GPR176: variants seen among roughly 807,000 people sequenced by gnomAD.
The protein encoded by GPR176 is G-protein coupled receptor 176.
A neutral mutation model predicts 35.4 loss-of-function variants in GPR176; 26 were observed. The observed-to-expected ratio is 0.74, with a 90% CI of 0.54 to 1.02. The LOEUF (loss-of-function observed/expected upper bound fraction) is 1.02, where lower values mean the gene tolerates loss of function less well. GPR176 is among the 50% of genes least tolerant of loss of function. The pLI is 0.00. For missense variants in GPR176, 597 were observed against 665.3 expected, an observed-to-expected ratio of 0.90 and a Z score of 1.13; for synonymous variants, 278 against 271.3, an observed-to-expected ratio of 1.02 and a Z score of -0.24.
chr15:39,894,237 C>T (rs1351284285), intron 1 of GPR176, among the ~76,000 whole-genome samples: 24 of 131,950 alleles, frequency 1.8e-4, no homozygotes, highest in Middle Eastern at 5.1e-3. Context: ...ACCTCCCGGA[C>T]GGGGCGGCTG....
chr15:39,817,797 G>A (rs1321780043), intron 1 of GPR176, among the ~76,000 whole-genome samples: 1 of 152,202 alleles, frequency 6.6e-6, no homozygotes, highest in Non-Finnish European at 1.5e-5. Context: ...AAAAGGCACT[G>A]TTAAGCTCTG....
Position 39,802,263 on chromosome 15 carries a change from T to C in GPR176, c.426-9A>G, listed in dbSNP as rs773506853. 1.3e-6 allele frequency: 2 copies of C among 1,555,626 alleles called. No homozygotes were observed. Among genetic ancestry groups the C allele is most frequent in the South Asian group, 1.2e-5 (1 of 83,646 alleles). On this transcript the variant is annotated splice_polypyrimidine_tract_variant and intron_variant, in intron 2 of 2. Coordinates refer to ENST00000561100, the MANE Select transcript of GPR176 (RefSeq NM_007223.3). Reference sequence around the variant, plus strand: ...AGAGGACTGAGTAGTACCTGCAAGATACACAAACAAAATTAATTCCACAGA... The same window carrying C: ...AGAGGACTGAGTAGTACCTGCAAGACACACAAACAAAATTAATTCCACAGA...
chr15:39,874,220 G>C (rs375344994), intron 1 of GPR176, among the ~76,000 whole-genome samples: 1 of 152,130 alleles, frequency 6.6e-6, no homozygotes, highest in East Asian at 1.9e-4. Context: ...AAATTGACCT[G>C]TAGTGTGGTA....
intron 1 of GPR176, among the ~76,000 whole-genome samples, chr15:39,871,800 A>T (rs986981421): frequency 1.3e-5 from 2 of 152,190 alleles, no homozygotes; most frequent in African/African-American, 4.8e-5. Context: ...TTTCCTAGCA[A>T]CCAAAAAAGT....
Position 39,867,123 on chromosome 15 carries a change from G to A in GPR176, c.172+52732C>T, listed in dbSNP as rs567327503. ...TTTAGGAAGATGGTTCTTACTCTGA[G>A]AGTAGAGAGGAAGGTGGCAGGTGAT... On this transcript the variant is annotated intron_variant, in intron 1 of 2. Coordinates refer to ENST00000561100, the MANE Select transcript of GPR176 (RefSeq NM_007223.3). Among the ~76,000 whole-genome samples the A allele has an allele frequency of 6.6e-5, 10 of 152,204 alleles. 1 individual carries two copies. Among genetic ancestry groups the A allele is most frequent in the Admixed American group, 3.9e-4 (6 of 15,288 alleles).
intron 2 of GPR176, among the ~76,000 whole-genome samples, chr15:39,804,289 T>C (rs661197): frequency 0.045 from 6,800 of 152,236 alleles, 384 homozygotes; most frequent in African/African-American, 0.13. Context: ...TACCATGAAA[T>C]GAATAGCTAT....
rs528818094 is a variant in GPR176 at position 39,919,762 on chromosome 15, G to A, written c.172+93C>T. 25 of 1,071,184 alleles carry A rather than the reference G, an allele frequency of 2.3e-5. No individual in the cohort carries two copies. The South Asian group carries it at 3.6e-4, about 16-fold the overall frequency. 66.4% of individuals were successfully genotyped at this position (1,071,184 alleles called of 1,614,324 possible). ...ACTCTCTGCACTTTGCCAGGCACCC[G>A]AAACCCACGGCGGCTGGGCGGCCCT... On this transcript the variant is annotated intron_variant, in intron 1 of 2. Transcript: ENST00000561100.
At chr15:39,887,903 C>T (rs1359455805) in intron 1 of GPR176, among the ~76,000 whole-genome samples, 1 of 152,208 alleles carries the variant, frequency 6.6e-6, no homozygotes, top group Non-Finnish European at 1.5e-5. Flanking sequence ...AAAAGAAGCT[C>T]TCTGCCATCC....
chr15:39,858,947 A>G (rs2031419109), intron 1 of GPR176, among the ~76,000 whole-genome samples: 1 of 151,974 alleles, frequency 6.6e-6, no homozygotes, highest in Non-Finnish European at 1.5e-5. Context: ...GGGTTTCACC[A>G]TGTTGGCCAG....
rs778582940 is a variant in GPR176, at chr15:39,919,943, G to GC, written c.83dup (p.Ser29GlnfsTer53). 7 of 1,516,364 alleles carry GC rather than the reference G, an allele frequency of 4.6e-6. No individual in the cohort carries two copies. In the Admixed American group the frequency reaches 1.1e-4, roughly 25 times the overall value. The allele number at this position is 1,516,364 out of a possible 1,614,324, so 93.9% of individuals were successfully genotyped here. A position where few individuals can be genotyped will look rare whatever the true frequency, so the allele number is the denominator to read the frequency against. Reference sequence around the variant, plus strand: ...CCTCGCCGAACTCCCCGAGCGCGCTGCGGTTCACACCCGCAGCCTCGGCGC... The same window carrying GC: ...CCTCGCCGAACTCCCCGAGCGCGCTGCCGGTTCACACCCGCAGCCTCGGCGC... On this transcript the variant is annotated frameshift_variant, in exon 1 of 3. Coordinates refer to ENST00000561100, the MANE Select transcript of GPR176 (RefSeq NM_007223.3). LOFTEE classifies it high-confidence loss of function.
At chr15:39,871,872 G>A (rs2032054984) in intron 1 of GPR176, among the ~76,000 whole-genome samples, 1 of 152,194 alleles carries the variant, frequency 6.6e-6, no homozygotes, top group Non-Finnish European at 1.5e-5. Context: ...TTCATCTAAT[G>A]TCAATACCAT....
chr15:39,805,208 T>C (rs1345015723), intron 2 of GPR176, among the ~76,000 whole-genome samples: 1 of 152,106 alleles, frequency 6.6e-6, no homozygotes, highest in Non-Finnish European at 1.5e-5. Flanking sequence ...TAAAATGCAT[T>C]AGTGTACCCA....
intron 1 of GPR176, among the ~76,000 whole-genome samples, chr15:39,824,065 TG>T (rs1900461991): frequency 6.6e-6 from 1 of 151,712 alleles, no homozygotes; most frequent in Non-Finnish European, 1.5e-5. Context: ...CCCATGGTAA[TG>T]AATGAGTTCT....
intron 1 of GPR176, among the ~76,000 whole-genome samples, chr15:39,898,642 C>T (rs564262950): frequency 6.6e-6 from 1 of 152,038 alleles, no homozygotes; most frequent in South Asian, 2.1e-4. Context: ...TGTAAAGAGA[C>T]GAGCTAGGGA....
At chr15:39,911,267 G>GA (rs1207160856) in intron 1 of GPR176, among the ~76,000 whole-genome samples, 3 of 151,728 alleles carry the variant, frequency 2.0e-5, no homozygotes, top group African/African-American at 4.8e-5. Context: ...ACTTTAATCA[G>GA]AAAAAAATAT....
Position 39,871,576 on chromosome 15 carries a change from C to A in GPR176, c.172+48279G>T, listed in dbSNP as rs555854330. ...ACTAGTACACAACAGACAGTGCTCA[C>A]CACATGCTCAAGTTGCCTTCTTCGA... On this transcript the variant is annotated intron_variant, in intron 1 of 2. Transcript: ENST00000561100. Among the ~76,000 whole-genome samples, 12 of 152,316 alleles carry A rather than the reference C, an allele frequency of 7.9e-5. No homozygotes were observed. In the South Asian group the frequency reaches 2.5e-3, roughly 32 times the overall value.
intron 1 of GPR176, among the ~76,000 whole-genome samples, chr15:39,918,559 C>T (rs2033787999): frequency 6.6e-6 from 1 of 152,166 alleles, no homozygotes; most frequent in Non-Finnish European, 1.5e-5. Context: ...CAGAATTTAA[C>T]TCCCAATAAC....
At chr15:39,867,579 T>C (rs1004928043) in intron 1 of GPR176, among the ~76,000 whole-genome samples, 5 of 152,126 alleles carry the variant, frequency 3.3e-5, no homozygotes, top group African/African-American at 9.7e-5. Flanking sequence ...AGGAGGATTT[T>C]AGGTGGCTGA....
chr15:39,915,303 G>C (rs940082172), intron 1 of GPR176, among the ~76,000 whole-genome samples: 1 of 152,094 alleles, frequency 6.6e-6, no homozygotes, highest in Non-Finnish European at 1.5e-5. Flanking sequence ...ATCCTCACAT[G>C]GTGCAAAGAA....
Sources: allele counts gnomAD v4.1 joint callset (sites outside exome capture counted in the v4.1 genomes callset), GRCh38; gene constraint gnomAD v4.1.1; transcripts MANE v1.5; gene names NCBI Gene and HGNC (gene_info 2026-07-23, HGNC 2026-07-21).